NLK: variants seen among roughly 807,000 people sequenced by gnomAD.
The protein encoded by NLK is nemo like kinase.
Under a neutral mutation model 59.0 loss-of-function variants are expected in NLK, and 11 were observed. That is an observed-to-expected ratio of 0.19 (90% CI 0.12 to 0.31). The LOEUF (loss-of-function observed/expected upper bound fraction) is 0.31, where lower values mean the gene tolerates loss of function less well. NLK is among the 10% of genes least tolerant of loss of function. The pLI, the probability that NLK is intolerant of heterozygous loss-of-function variation, is 1.00. For synonymous variants in NLK, 235 were observed against 235.9 expected (o/e 1.00, Z 0.03); for missense variants, 410 against 661.1 (o/e 0.62, Z 4.16).
At chr17:28,140,712 A>G (rs1348083609) in intron 3 of NLK, among the ~76,000 whole-genome samples, 2 of 152,052 alleles carry the variant, frequency 1.3e-5, no homozygotes, top group Non-Finnish European at 2.9e-5. Flanking sequence ...CAGAATAATC[A>G]ATTTTACAAT....
chr17:28,150,077 A>T (rs2142037794), intron 3 of NLK, among the ~76,000 whole-genome samples: 1 of 152,312 alleles, frequency 6.6e-6, no homozygotes, highest in South Asian at 2.1e-4. Context: ...GAATCATTAC[A>T]ATCTAGATTT....
At chr17:28,163,823 G>A (rs1457214913) in intron 5 of NLK, among the ~76,000 whole-genome samples, 195 bp downstream of exon 5, 1 of 152,072 alleles carries the variant, frequency 6.6e-6, no homozygotes, top group African/African-American at 2.4e-5. Context: ...ATGATATTTG[G>A]CCTATGTTTT....
intron 1 of NLK, among the ~76,000 whole-genome samples, chr17:28,098,326 C>T (rs1904773681): frequency 6.6e-6 from 1 of 152,080 alleles, no homozygotes; most frequent in Non-Finnish European, 1.5e-5. Context: ...TTAGGCAGAA[C>T]GGGTAGCCTC....
Position 28,145,779 on chromosome 17 carries a change from C to T in NLK, c.644+13104C>T, listed in dbSNP as rs752784515. The stretch of plus-strand genomic sequence containing the variant: ...GGAGTGCAGTGGCATGATCTCAGCT[C>T]ACTGCAGCCTCCACCTCCAGGGTTC... On this transcript the variant is annotated intron_variant, in intron 3 of 10. Coordinates refer to ENST00000407008, the MANE Select transcript of NLK (RefSeq NM_016231.5). Among the ~76,000 whole-genome samples, 235 of 152,128 alleles carry T rather than the reference C, an allele frequency of 1.5e-3. 2 individuals are homozygous for T. The highest frequency in any genetic ancestry group is 4.1e-4 in the Non-Finnish European group (28 of 68,008).
intron 1 of NLK, among the ~76,000 whole-genome samples, chr17:28,111,091 G>A (rs751363018): frequency 3.1e-4 from 47 of 152,024 alleles, no homozygotes; most frequent in South Asian, 2.1e-4. Flanking sequence ...TGATCCGCCC[G>A]CTCCTTTAAT....
rs181817983 is a variant in NLK, at chr17:28,073,660, T to A, written c.458+30329T>A. On this transcript the variant is annotated intron_variant, in intron 1 of 10. Coordinates refer to ENST00000407008, the MANE Select transcript of NLK (RefSeq NM_016231.5). Reference sequence around the variant, plus strand: ...GTCCATAATCGGTCCTGTCTCCCAGTTTAGAATGTCTTTTCCTATTTCAAC... The same window carrying A: ...GTCCATAATCGGTCCTGTCTCCCAGATTAGAATGTCTTTTCCTATTTCAAC... Among the ~76,000 whole-genome samples, 49 of 152,312 alleles carry A rather than the reference T, an allele frequency of 3.2e-4. No individual in the cohort carries two copies. In the East Asian group the frequency reaches 8.7e-3, roughly 27 times the overall value.
chr17:28,119,374 T>G (rs919303208), intron 1 of NLK, among the ~76,000 whole-genome samples: 1 of 152,202 alleles, frequency 6.6e-6, no homozygotes, highest in Non-Finnish European at 1.5e-5. Context: ...AATTTTACTT[T>G]AAAACATTAC....
At chr17:28,066,283 G>A (rs1909820973) in intron 1 of NLK, among the ~76,000 whole-genome samples, 1 of 152,114 alleles carries the variant, frequency 6.6e-6, no homozygotes, top group South Asian at 2.1e-4. Flanking sequence ...GTCCATCACT[G>A]TCTCTGCCTC....
chr17:28,050,259 A>G (rs1189120567), intron 1 of NLK, among the ~76,000 whole-genome samples: 2 of 152,172 alleles, frequency 1.3e-5, no homozygotes, highest in African/African-American at 4.8e-5. Context: ...GAGTCAACCA[A>G]TGGGGAAGGG....
chr17:28,158,904 C>G (rs1325892907), intron 3 of NLK, among the ~76,000 whole-genome samples: 5 of 152,168 alleles, frequency 3.3e-5, no homozygotes, highest in Non-Finnish European at 7.3e-5. Flanking sequence ...CAAGACACCC[C>G]TAGGCAATAC....
intron 8 of NLK, 193 bp from the exon 9 acceptor site, chr17:28,190,825 CAGT>C (rs1458705172): frequency 2.1e-6 from 1 of 481,370 alleles, no homozygotes; most frequent in Non-Finnish European, 3.7e-6. Flanking sequence ...TAGATAATAA[CAGT>C]AGTTGTCCTA....
At chr17:28,121,714 G>A (rs1906069690) in intron 1 of NLK, among the ~76,000 whole-genome samples, 1 of 151,626 alleles carries the variant, frequency 6.6e-6, no homozygotes, top group Non-Finnish European at 1.5e-5. Flanking sequence ...GGCCAGGCTG[G>A]TCTCAAACTC....
At chr17:28,140,344 G>A (rs894729893) in intron 3 of NLK, among the ~76,000 whole-genome samples, 16 of 152,156 alleles carry the variant, frequency 1.1e-4, no homozygotes, top group African/African-American at 3.1e-4. Flanking sequence ...TCTGGAAATG[G>A]ATAGTGCTGA....
intron 1 of NLK, among the ~76,000 whole-genome samples, chr17:28,107,333 G>T (rs917533750): frequency 2.8e-4 from 42 of 152,160 alleles, no homozygotes; most frequent in African/African-American, 9.6e-4. Context: ...TACTCGGGAG[G>T]CTGAGGCAGG....
chr17:28,171,389 A>G (rs569624319), intron 6 of NLK: 3 of 152,298 alleles, frequency 2.0e-5, no homozygotes, highest in African/African-American at 7.2e-5. Context: ...TGTTATTGCT[A>G]ATTAGGTTAT....
intron 1 of NLK, among the ~76,000 whole-genome samples, chr17:28,107,575 A>G (rs1905238487): frequency 6.6e-6 from 1 of 152,192 alleles, no homozygotes; most frequent in Admixed American, 6.5e-5. Context: ...AGTCTTGTTG[A>G]TGAATATAGA....
In NLK at chr17:28,195,112, A is replaced by G. The variant is rs1909440502; in HGVS notation, c.*476A>G. The G allele has an allele frequency of 6.6e-6, 1 of 152,462 alleles. No homozygotes were observed. Among genetic ancestry groups the G allele is most frequent in the African/African-American group, 2.4e-5 (1 of 41,326 alleles). The allele number at this position is 152,462 out of a possible 1,614,324, so 9.4% of individuals were successfully genotyped here. A position where few individuals can be genotyped will look rare whatever the true frequency, so the allele number is the denominator to read the frequency against. On this transcript the variant is annotated 3_prime_UTR_variant, in exon 11 of 11. Coordinates refer to ENST00000407008, the MANE Select transcript of NLK (RefSeq NM_016231.5). ...AATCTAGGAACCTTGCCTGCGACCA[A>G]TCATGGAGCCACGTGAGCTGATCGT...
chr17:28,113,969 G>A (rs1555561029), intron 1 of NLK, among the ~76,000 whole-genome samples: 1 of 151,692 alleles, frequency 6.6e-6, no homozygotes, highest in African/African-American at 2.4e-5. Context: ...TTAATATTAT[G>A]GAAATGGTAT....
rs140875235 is a variant in NLK at position 28,186,913 on chromosome 17, C to A, written c.1236+1648C>A. 3.3e-4 allele frequency among the ~76,000 whole-genome samples: 51 copies of A among 152,240 alleles called. No homozygotes were observed. The East Asian group carries it at 9.9e-3, about 29-fold the overall frequency. ...CACAGTCTCTCTTTGTGATCAAGTT[C>A]CCACTATTAAGGACAATTTCAATCA... On this transcript the variant is annotated intron_variant, in intron 8 of 10. Coordinates refer to ENST00000407008, the MANE Select transcript of NLK (RefSeq NM_016231.5).
Sources: gnomAD v4.1 joint callset for allele counts (sites outside exome capture counted in the v4.1 genomes callset) on GRCh38, gnomAD v4.1.1 for gene constraint, MANE v1.5 for transcripts, NCBI Gene and HGNC (gene_info 2026-07-23, HGNC 2026-07-21) for gene names.